RORA: variants seen among roughly 807,000 people sequenced by gnomAD.
RORA encodes the protein RAR related orphan receptor A.
Under a neutral mutation model 69.5 loss-of-function variants are expected in RORA, and 7 were observed. That is an observed-to-expected ratio of 0.10 (90% CI 0.06 to 0.19). The LOEUF is 0.19. RORA is among the 10% of genes least tolerant of loss of function. The pLI is 1.00. For synonymous variants in RORA, 261 were observed against 240.8 expected, an observed-to-expected ratio of 1.08 and a Z score of -0.78; for missense variants, 457 against 663.0, an observed-to-expected ratio of 0.69 and a Z score of 3.41.
chr15:60,707,202 T>A (rs2071074935), intron 1 of RORA, among the ~76,000 whole-genome samples: 1 of 152,106 alleles, frequency 6.6e-6, no homozygotes, highest in Admixed American at 6.5e-5. Flanking sequence ...AAGCTTCCAT[T>A]CTGGCTGTTG....
chr15:61,106,804 C>A (rs1265203892), intron 1 of RORA, among the ~76,000 whole-genome samples: 1 of 152,154 alleles, frequency 6.6e-6, no homozygotes, highest in African/African-American at 2.4e-5. Flanking sequence ...TCTTCTGCCG[C>A]AGGTTTAACA....
At chr15:60,651,656 C>T (rs1446005658) in intron 2 of RORA, among the ~76,000 whole-genome samples, 2 of 152,152 alleles carry the variant, frequency 1.3e-5, no homozygotes, top group Admixed American at 1.3e-4. Context: ...GCTTCCACTC[C>T]AGGGGGCTTC....
At chr15:60,694,093 T>C (rs2070868124) in intron 1 of RORA, among the ~76,000 whole-genome samples, 4 of 152,144 alleles carry the variant, frequency 2.6e-5, no homozygotes, top group Admixed American at 2.6e-4. Flanking sequence ...ATGTTTTCAA[T>C]CTACTTTCTG....
intron 1 of RORA, among the ~76,000 whole-genome samples, chr15:61,202,139 C>G (rs1297453206): frequency 6.6e-6 from 1 of 151,916 alleles, no homozygotes; most frequent in Non-Finnish European, 1.5e-5. Flanking sequence ...TCCCAAGTTG[C>G]TGGGATTACA....
intron 1 of RORA, among the ~76,000 whole-genome samples, chr15:60,737,592 G>A (rs138458067): frequency 1.0e-3 from 159 of 152,290 alleles, no homozygotes; most frequent in African/African-American, 3.6e-3. Flanking sequence ...ATGCTCACTC[G>A]TTTCAGAACC....
chr15:60,615,964 C>G (rs922261559), intron 2 of RORA, among the ~76,000 whole-genome samples: 2 of 152,160 alleles, frequency 1.3e-5, no homozygotes, highest in Non-Finnish European at 2.9e-5. Flanking sequence ...GAGCATGTCT[C>G]ATTTGGGGGG....
intron 1 of RORA, among the ~76,000 whole-genome samples, chr15:60,899,839 C>T (rs866375673): frequency 6.6e-6 from 1 of 152,330 alleles, no homozygotes; most frequent in Middle Eastern, 3.4e-3. Flanking sequence ...TGTCAGACCA[C>T]AAAGTCAAAC....
intron 2 of RORA, chr15:60,614,934 T>A (rs2069192233): frequency 1.9e-6 from 3 of 1,613,996 alleles, no homozygotes; most frequent in Middle Eastern, 3.3e-4. Context: ...AGAACTCCCT[T>A]AAATTAATAA....
chr15:60,515,222 C>A (rs2065824012), intron 3 of RORA, among the ~76,000 whole-genome samples: 1 of 152,242 alleles, frequency 6.6e-6, no homozygotes, highest in Non-Finnish European at 1.5e-5. Flanking sequence ...CCATGGTAAT[C>A]TTCACTAGCC....
intron 5 of RORA, among the ~76,000 whole-genome samples, chr15:60,508,307 C>A (rs2065580452): frequency 6.6e-6 from 1 of 152,186 alleles, no homozygotes; most frequent in Admixed American, 6.5e-5. Context: ...GCAATACAGC[C>A]AGCGCCTCGA....
At chr15:60,692,005 T>G (rs1255470058) in intron 1 of RORA, among the ~76,000 whole-genome samples, 3 of 152,214 alleles carry the variant, frequency 2.0e-5, no homozygotes, top group African/African-American at 7.2e-5. Flanking sequence ...TCAGGATAAC[T>G]CTCTCATTTC....
chr15:60,565,999 T>C (rs1363247336), intron 2 of RORA, among the ~76,000 whole-genome samples: 1 of 152,218 alleles, frequency 6.6e-6, no homozygotes, highest in African/African-American at 2.4e-5. Flanking sequence ...GCAAAGTTAA[T>C]AACAGAGACC....
intron 1 of RORA, among the ~76,000 whole-genome samples, chr15:60,749,002 T>C (rs1472790968): frequency 6.6e-6 from 1 of 152,200 alleles, no homozygotes. Flanking sequence ...TTAGTAAATA[T>C]AAGAATCACC....
At chr15:60,835,086 C>G (rs976886206) in intron 1 of RORA, among the ~76,000 whole-genome samples, 1 of 152,002 alleles carries the variant, frequency 6.6e-6, no homozygotes, top group Non-Finnish European at 1.5e-5. Flanking sequence ...TCTACAAGAC[C>G]GGGTAGCAGT....
intron 2 of RORA, among the ~76,000 whole-genome samples, chr15:60,582,574 T>A (rs925759004): frequency 6.6e-6 from 1 of 152,182 alleles, no homozygotes; most frequent in Non-Finnish European, 1.5e-5. Flanking sequence ...TCAACATTGT[T>A]TTGCTACACT....
chr15:60,527,676 C>G (rs1260276009), intron 3 of RORA, among the ~76,000 whole-genome samples: 1 of 152,230 alleles, frequency 6.6e-6, no homozygotes, highest in Non-Finnish European at 1.5e-5. Context: ...AGTGCCAATA[C>G]ATTGTTCCCT....
At chr15:60,994,763 T>C (rs1020374691) in intron 1 of RORA, among the ~76,000 whole-genome samples, 1 of 152,212 alleles carries the variant, frequency 6.6e-6, no homozygotes, top group Non-Finnish European at 1.5e-5. Flanking sequence ...CAACTCAACA[T>C]ACGTCTTCTT....
intron 1 of RORA, among the ~76,000 whole-genome samples, chr15:60,892,895 G>C (rs1242145175): frequency 6.6e-6 from 1 of 152,156 alleles, no homozygotes; most frequent in East Asian, 1.9e-4. Flanking sequence ...AATTTAGCTG[G>C]AACATTGTAT....
At chr15:60,849,014 T>C (rs1473655606) in intron 1 of RORA, 1 of 152,260 alleles carries the variant, frequency 6.6e-6, no homozygotes, top group African/African-American at 2.4e-5. Context: ...TTATTTGTTA[T>C]AGCAGCAATA....
Sources: allele counts gnomAD v4.1 joint callset (sites outside exome capture counted in the v4.1 genomes callset), GRCh38; gene constraint gnomAD v4.1.1; transcripts MANE v1.5; gene names NCBI Gene and HGNC (gene_info 2026-07-23, HGNC 2026-07-21).